ACOXL: variants seen among roughly 807,000 people sequenced by gnomAD.
The protein encoded by ACOXL is acyl-CoA oxidase like, also known as acyl-coenzyme A oxidase-like protein.
ACOXL carries 70 observed loss-of-function variants against 71.9 expected under a neutral mutation model. The observed-to-expected ratio is 0.97, with a 90% CI of 0.80 to 1.19. ACOXL has a LOEUF of 1.19. ACOXL is among the 50% of genes most tolerant of loss of function. ACOXL has a pLI of 0.00. For synonymous variants in ACOXL, 253 were observed against 281.6 expected (o/e 0.90, Z 1.02); for missense variants, 703 against 736.3 (o/e 0.95, Z 0.52).
At chr2:111,071,954 C>A (rs774582071) in intron 16 of ACOXL, among the ~76,000 whole-genome samples, 2 of 152,088 alleles carry the variant, frequency 1.3e-5, no homozygotes, top group Non-Finnish European at 2.9e-5. Flanking sequence ...AGTCACATGG[C>A]CTAATAATTA....
At position 110,874,124 on chromosome 2, in the gene ACOXL, C is replaced by T. The variant is rs527875630; in HGVS notation, c.788+32719C>T. The stretch of plus-strand genomic sequence containing the variant: ...GCGCTGCTTGCCTTGGGAGAGAGGG[C>T]AGCAAAAGGGAGACCAGCCCCCACC... On this transcript the variant is annotated intron_variant, in intron 10 of 17. Transcript: ENST00000439055. Among the ~76,000 whole-genome samples, 101 of 152,332 alleles carry T rather than the reference C, an allele frequency of 6.6e-4. 1 individual carries two copies. The highest frequency in any genetic ancestry group is 2.4e-3 in the African/African-American group (101 of 41,582).
chr2:110,806,281 T>C (rs1463568298), intron 9 of ACOXL, among the ~76,000 whole-genome samples: 1 of 152,248 alleles, frequency 6.6e-6, no homozygotes, highest in Non-Finnish European at 1.5e-5. Flanking sequence ...TCAACACGCG[T>C]ACGCGGCCTG....
intron 9 of ACOXL, among the ~76,000 whole-genome samples, chr2:110,833,930 CT>C (rs1690149097): frequency 6.6e-6 from 1 of 152,148 alleles, no homozygotes; most frequent in Non-Finnish European, 1.5e-5. Context: ...TGACTCTTGA[CT>C]GTGACAGGGC....
chr2:110,971,691 T>C (rs1256273770), intron 12 of ACOXL, among the ~76,000 whole-genome samples: 6 of 152,234 alleles, frequency 3.9e-5, no homozygotes, highest in Admixed American at 2.6e-4. Context: ...CCCTCTTAGC[T>C]TTTAGCAATA....
rs567621987 is a variant in ACOXL, at chr2:110,828,969, G to A, written c.754-12402G>A. ...TGGGATTACAGGCATGCACCACCAC[G>A]TCCAGCTAATTTTGTATTTTTAGTA... On this transcript the variant is annotated intron_variant, in intron 9 of 17. Transcript: ENST00000439055. Among the ~76,000 whole-genome samples, 457 of 152,138 alleles carry A rather than the reference G, an allele frequency of 3.0e-3. 4 individuals carry two copies. Among genetic ancestry groups the A allele is most frequent in the African/African-American group, 0.011 (436 of 41,494 alleles).
intron 10 of ACOXL, among the ~76,000 whole-genome samples, chr2:110,851,866 T>C (rs777618092): frequency 5.9e-5 from 9 of 152,094 alleles, no homozygotes; most frequent in Non-Finnish European, 1.3e-4. Flanking sequence ...ACCTCACCAG[T>C]GAGAAAGGCG....
At chr2:110,793,211 C>A (rs562799370) in intron 3 of ACOXL, among the ~76,000 whole-genome samples, 57 of 152,326 alleles carry the variant, frequency 3.7e-4, no homozygotes, top group African/African-American at 1.3e-3. Flanking sequence ...CCTTTTGCAG[C>A]GTTGCCTCTT....
intron 12 of ACOXL, among the ~76,000 whole-genome samples, chr2:110,942,137 A>G (rs1361058812): frequency 2.0e-5 from 3 of 152,232 alleles, no homozygotes; most frequent in East Asian, 1.9e-4. Flanking sequence ...TTAAAGATGT[A>G]TAAGGTAGGA....
chr2:110,924,123 C>T (rs1298877920), intron 11 of ACOXL, among the ~76,000 whole-genome samples: 1 of 152,140 alleles, frequency 6.6e-6, no homozygotes, highest in Non-Finnish European at 1.5e-5. Flanking sequence ...TGTGCAACAG[C>T]ATTATGTCTA....
chr2:110,829,196 G>A (rs1482288344), intron 9 of ACOXL, among the ~76,000 whole-genome samples: 1 of 152,136 alleles, frequency 6.6e-6, no homozygotes, highest in Non-Finnish European at 1.5e-5. Flanking sequence ...ATATTTCGTT[G>A]TTTCGTGACT....
chr2:110,736,698 C>T (rs1254975684), intron 1 of ACOXL, among the ~76,000 whole-genome samples: 1 of 150,508 alleles, frequency 6.6e-6, no homozygotes, highest in East Asian at 2.0e-4. Flanking sequence ...CGGCTCACTG[C>T]AAGCCCCGCC....
At chr2:110,849,781 A>G (rs13406362) in intron 10 of ACOXL, among the ~76,000 whole-genome samples, 39,386 of 147,612 alleles carry the variant, frequency 0.27, 5,404 homozygotes, top group East Asian at 0.31. Flanking sequence ...AACAAACAAA[A>G]AACAGAACTA....
intron 9 of ACOXL, among the ~76,000 whole-genome samples, chr2:110,823,993 T>A (rs1459377950): frequency 2.6e-5 from 4 of 152,186 alleles, no homozygotes; most frequent in Non-Finnish European, 5.9e-5. Context: ...TGTTTTTTCT[T>A]TCATGGATTG....
intron 1 of ACOXL, among the ~76,000 whole-genome samples, chr2:110,736,603 C>T (rs756968793): frequency 2.0e-5 from 3 of 150,142 alleles, no homozygotes; most frequent in Admixed American, 6.7e-5. Context: ...TATGTATAGA[C>T]TACATTTTGA....
chr2:110,869,990 GGT>G (rs1695076141), intron 10 of ACOXL, among the ~76,000 whole-genome samples: 1 of 152,268 alleles, frequency 6.6e-6, no homozygotes, highest in Admixed American at 6.5e-5. Flanking sequence ...CGAGCATGTG[GGT>G]CTCACAGAGC....
At position 111,116,764 on chromosome 2, in the gene ACOXL, G is replaced by A. The variant is rs141423103; in HGVS notation, c.1543-852G>A. On this transcript the variant is annotated intron_variant, in intron 17 of 17. Transcript: ENST00000439055. ...AAAAGAAAGCCGTCCCTCTGCCCTTGTGTAGTTTTAGAAAAACAATCTTAT... is the reference window on the plus strand; with the variant it reads ...AAAAGAAAGCCGTCCCTCTGCCCTTATGTAGTTTTAGAAAAACAATCTTAT... Among the ~76,000 whole-genome samples, 715 of 151,862 alleles carry A rather than the reference G, an allele frequency of 4.7e-3. 4 individuals carry two copies. The highest frequency in any genetic ancestry group is 8.0e-3 in the Non-Finnish European group (544 of 67,926).
intron 9 of ACOXL, among the ~76,000 whole-genome samples, chr2:110,836,365 G>GCC (rs1690466275): frequency 6.6e-6 from 1 of 152,112 alleles, no homozygotes; most frequent in South Asian, 2.1e-4. Context: ...GGTATTCTGT[G>GCC]TGTCCATGGC....
intron 10 of ACOXL, among the ~76,000 whole-genome samples, chr2:110,862,656 G>A (rs1036518872): frequency 2.0e-5 from 3 of 152,280 alleles, no homozygotes; most frequent in East Asian, 1.9e-4. Context: ...AAGGAAAAAC[G>A]GAGTTTTAAA....
At chr2:111,093,328 T>G (rs951936298) in intron 17 of ACOXL, among the ~76,000 whole-genome samples, 7 of 152,086 alleles carry the variant, frequency 4.6e-5, no homozygotes, top group African/African-American at 1.7e-4. Context: ...GGTATTTTTA[T>G]GTCAGTGGTA....
Sources: allele counts gnomAD v4.1 joint callset (sites outside exome capture counted in the v4.1 genomes callset), GRCh38; gene constraint gnomAD v4.1.1; transcripts MANE v1.5; gene names NCBI Gene and HGNC (gene_info 2026-07-23, HGNC 2026-07-21).